The following NPRL3 variants were observed in gnomAD, a reference collection of about 807,000 sequenced individuals.
The protein encoded by NPRL3 is NPR3 like, GATOR1 complex subunit.
In NPRL3, 23 loss-of-function variants were observed where a neutral mutation model predicts 57.2. The observed-to-expected ratio is 0.40, with a 90% CI of 0.29 to 0.57. The LOEUF is 0.57. Among genes scored for constraint, NPRL3 ranks in the 20% least tolerant of loss-of-function variants. The pLI, the probability that NPRL3 is intolerant of heterozygous loss-of-function variation, is 0.42. For missense variants in NPRL3, 691 were observed against 767.1 expected (o/e 0.90, Z 1.17); for synonymous variants, 333 against 321.1 (o/e 1.04, Z -0.39).
At chr16:122,113 T>C (rs1002446473) in intron 3 of NPRL3, among the ~76,000 whole-genome samples, 1 of 148,706 alleles carries the variant, frequency 6.7e-6, no homozygotes, top group Non-Finnish European at 1.5e-5. Flanking sequence ...CTTTTCCCCC[T>C]TGAGATGGAG....
intron 5 of NPRL3, among the ~76,000 whole-genome samples, chr16:115,476 C>G (rs1161188532): frequency 7.3e-6 from 1 of 136,808 alleles, no homozygotes; most frequent in Non-Finnish European, 1.5e-5. Flanking sequence ...CCTAGACTAT[C>G]TTGTTTCCTG....
At chr16:130,749 T>G (rs1344612676) in intron 2 of NPRL3, among the ~76,000 whole-genome samples, 158 bp from the exon 3 acceptor site, 1 of 152,250 alleles carries the variant, frequency 6.6e-6, no homozygotes, top group Non-Finnish European at 1.5e-5. Flanking sequence ...TGGGTGAACC[T>G]TGACAACATC....
intron 4 of NPRL3, among the ~76,000 whole-genome samples, chr16:118,056 G>A (rs1230200079): frequency 1.3e-5 from 2 of 152,220 alleles, no homozygotes; most frequent in Non-Finnish European, 2.9e-5. Flanking sequence ...CTACAGGTAG[G>A]GGACTGTGCC....
intron 2 of NPRL3, among the ~76,000 whole-genome samples, chr16:137,869 T>C (rs1422215496): frequency 2.6e-5 from 4 of 152,172 alleles, no homozygotes; most frequent in African/African-American, 9.7e-5. Context: ...TGTAATTTTG[T>C]ATTTTCTCAT....
chr16:102,781 G>T (rs1269262482), intron 7 of NPRL3, among the ~76,000 whole-genome samples: 2 of 152,222 alleles, frequency 1.3e-5, no homozygotes, highest in African/African-American at 4.8e-5. Context: ...GGTGCTCAGA[G>T]AACACCATGG....
Position 89,355 on chromosome 16 carries a change from A to G in NPRL3, c.1351+358T>C, listed in dbSNP as rs547772121. The G allele has an allele frequency of 3.8e-5, 11 of 292,732 alleles. No homozygotes were observed. The Admixed American group carries it at 4.7e-4, about 13-fold the overall frequency. 18.1% of individuals were successfully genotyped at this position (292,732 alleles called of 1,614,324 possible). On this transcript the variant is annotated intron_variant, in intron 12 of 13. Transcript: ENST00000611875. ...GGCAACAGGCTGCTGCCCTCAAGCC[A>G]CACTGGCCATGACGGCTCTTCTGGG...
intron 7 of NPRL3, among the ~76,000 whole-genome samples, chr16:108,400 C>T (rs1899626595): frequency 6.6e-6 from 1 of 152,110 alleles, no homozygotes; most frequent in South Asian, 2.1e-4. Context: ...GGGGAAGAGG[C>T]ATCTCGTGTG....
chr16:113,138 C>A (rs1899889919), intron 5 of NPRL3, among the ~76,000 whole-genome samples: 1 of 152,168 alleles, frequency 6.6e-6, no homozygotes. Flanking sequence ...AATTAGCGAG[C>A]CATGTAACAA....
chr16:110,440 G>T, intron 7 of NPRL3, 85 bp downstream of exon 7: 1 of 1,045,512 alleles, frequency 9.6e-7, no homozygotes, highest in South Asian at 1.4e-5. Flanking sequence ...CAGTACCGGG[G>T]AGCCCTACCT....
chr16:123,723 C>T (rs1032078555), intron 3 of NPRL3, among the ~76,000 whole-genome samples: 2 of 151,800 alleles, frequency 1.3e-5, no homozygotes, highest in Non-Finnish European at 2.9e-5. Context: ...AACAGGATCA[C>T]ACACTCCCCA....
intron 2 of NPRL3, among the ~76,000 whole-genome samples, chr16:137,677 G>C (rs12923013): frequency 6.6e-6 from 1 of 151,710 alleles, no homozygotes; most frequent in African/African-American, 2.4e-5. Flanking sequence ...AGCCTCCCAA[G>C]TAGCTAGGAT....
chr16:120,488 A>G (rs780925287), intron 3 of NPRL3, among the ~76,000 whole-genome samples: 8 of 152,214 alleles, frequency 5.3e-5, no homozygotes, highest in African/African-American at 1.4e-4. Context: ...GCAAGTAGCT[A>G]CATGATTCTT....
Position 130,600 on chromosome 16 carries a change from G to T in NPRL3, c.119-9C>A. On this transcript the variant is annotated splice_polypyrimidine_tract_variant and intron_variant, in intron 2 of 13. Transcript: ENST00000611875. ...TCTGCTACGCGGCTTACCTGAGTCG[G>T]GGCGAAAAGAGGGGAAGGGCTAAGA... is the stretch of plus-strand genomic sequence containing the variant. The T allele has an allele frequency of 6.4e-7, 1 of 1,553,020 alleles. No homozygotes were observed. The highest frequency in any genetic ancestry group is 2.4e-5 in the East Asian group (1 of 41,120).
intron 8 of NPRL3, among the ~76,000 whole-genome samples, chr16:99,615 C>A (rs537543497): frequency 3.6e-5 from 5 of 140,242 alleles, no homozygotes; most frequent in Non-Finnish European, 6.1e-5. Flanking sequence ...TGCACTTGAG[C>A]CCCGAGCAAG....
chr16:86,647 T>A lies in NPRL3; in HGVS notation c.*58A>T. On this transcript the variant is annotated 3_prime_UTR_variant, in exon 14 of 14. Coordinates refer to ENST00000611875, the MANE Select transcript of NPRL3 (RefSeq NM_001077350.3). ...CCTCAGCACGGGGGGAGCCCTGGGG[T>A]GGGGAGACGCGAGCGCCCACCTGCG... The A allele has an allele frequency of 6.7e-7, 1 of 1,483,216 alleles. No individual in the cohort carries two copies. The highest frequency in any genetic ancestry group is 1.2e-5 in the South Asian group (1 of 80,166). 91.9% of individuals were successfully genotyped at this position (1,483,216 alleles called of 1,614,324 possible).
intron 9 of NPRL3, among the ~76,000 whole-genome samples, chr16:93,645 A>G (rs958005572): frequency 2.0e-5 from 3 of 151,162 alleles, no homozygotes; most frequent in Admixed American, 6.6e-5. Flanking sequence ...GCTCACTGCA[A>G]CCTCTTGCCT....
chr16:134,658 C>T (rs188995106), intron 2 of NPRL3, among the ~76,000 whole-genome samples: 4 of 149,092 alleles, frequency 2.7e-5, no homozygotes, highest in Admixed American at 2.7e-4. Context: ...ACTAACCTTA[C>T]GGATAGTATA....
At chr16:95,348 TATACAC>T (rs1425543607) in intron 9 of NPRL3, among the ~76,000 whole-genome samples, 68 of 45,016 alleles carry the variant, frequency 1.5e-3, no homozygotes, top group East Asian at 6.4e-3. Context: ...TATATATATA[TATACAC>T]ACACACACAC....
At position 92,661 on chromosome 16, in the gene NPRL3, C is replaced by T; in HGVS notation, c.1096G>A (p.Ala366Thr). 5 of 1,613,844 alleles carry T rather than the reference C, an allele frequency of 3.1e-6. No individual in the cohort carries two copies. The highest frequency in any genetic ancestry group is 4.2e-6 in the Non-Finnish European group (5 of 1,179,838). Reference sequence around the variant, plus strand: ...AAGGAGACCGGCAAGGAGAACTTGGCAAGAACGGACGGCAGGTCATGAGAT... The same window carrying T: ...AAGGAGACCGGCAAGGAGAACTTGGTAAGAACGGACGGCAGGTCATGAGAT... ...FPSHDLPSVLAKFSLPVSLSE... is the reference protein window; with the variant it reads ...FPSHDLPSVLTKFSLPVSLSE... The change falls in exon 11 of 14, where the codon GCC (alanine) becomes ACC (threonine). Residue 366 changes from alanine to threonine, a missense_variant. By Grantham distance (58) the Ala-to-Thr change is moderately conservative (BLOSUM62 0). Transcript: ENST00000611875.
Sources: gnomAD v4.1 joint callset for allele counts (sites outside exome capture counted in the v4.1 genomes callset) on GRCh38, gnomAD v4.1.1 for gene constraint, MANE v1.5 for transcripts, NCBI Gene and HGNC (gene_info 2026-07-23, HGNC 2026-07-21) for gene names.